The following RASEF variants were observed in gnomAD, a reference collection of about 807,000 sequenced individuals.
RASEF encodes RAS and EF-hand domain containing.
In RASEF, 68 loss-of-function variants were observed where a neutral mutation model predicts 90.1. The observed-to-expected ratio is 0.75, with a 90% CI of 0.62 to 0.92. The LOEUF (loss-of-function observed/expected upper bound fraction) is 0.92, where lower values mean the gene tolerates loss of function less well. Ranked by LOEUF, RASEF falls within the 40% of genes least tolerant of loss-of-function variation. RASEF has a pLI of 0.00. For synonymous variants in RASEF, 331 were observed against 345.2 expected, an observed-to-expected ratio of 0.96 and a Z score of 0.46; for missense variants, 949 against 937.2, an observed-to-expected ratio of 1.01 and a Z score of -0.16.
intron 5 of RASEF, 73 bp from the exon 6 acceptor site, chr9:83,009,829 C>A: frequency 1.2e-6 from 1 of 851,458 alleles, no homozygotes; most frequent in South Asian, 1.4e-5. Flanking sequence ...GTAAAGTGTC[C>A]TGTCACCCTC....
the RASEF span, among the ~76,000 whole-genome samples, chr9:83,161,039 G>T: frequency 6.6e-6 from 1 of 152,164 alleles, no homozygotes; most frequent in Non-Finnish European, 1.5e-5. Context: ...TTGCTGTAGC[G>T]GTGGGGCCCT....
chr9:83,016,047 A>T, intron 3 of RASEF, 147 bp from the exon 4 acceptor site: 3 of 629,008 alleles, frequency 4.8e-6, no homozygotes, highest in Non-Finnish European at 8.3e-6. Flanking sequence ...TCAGAAGGAA[A>T]CCAATTGACT....
Position 83,035,540 on chromosome 9 carries a change from G to A in RASEF, c.432-9619C>T, listed in dbSNP as rs1251809235. Among the ~76,000 whole-genome samples the A allele has an allele frequency of 4.6e-5, 7 of 152,124 alleles. No homozygotes were observed. In the South Asian group the frequency reaches 1.2e-3, roughly 27 times the overall value. On this transcript the variant is annotated intron_variant, in intron 1 of 16. Coordinates refer to ENST00000376447, the MANE Select transcript of RASEF (RefSeq NM_152573.4). ...ATTCTGTTGACATTACAGTATGTAT[G>A]TGCTATACGTGTGTACATGTATATG...
At chr9:83,164,345 G>GTA in the RASEF span, among the ~76,000 whole-genome samples, 4 of 79,676 alleles carry the variant, frequency 5.0e-5, no homozygotes, top group South Asian at 4.3e-4. Flanking sequence ...TTGTATATGT[G>GTA]TGTATATATA....
intron 9 of RASEF, among the ~76,000 whole-genome samples, chr9:83,003,938 A>G (rs1473414951): frequency 1.3e-5 from 2 of 152,208 alleles, no homozygotes; most frequent in Admixed American, 1.3e-4. Context: ...CTAGGTCTCA[A>G]GTAATAAAAG....
chr9:83,213,163 G>A, the RASEF span, among the ~76,000 whole-genome samples: 1 of 151,296 alleles, frequency 6.6e-6, no homozygotes, highest in African/African-American at 2.4e-5. Context: ...ACTTTGGGAG[G>A]CCAAGGCAGG....
chr9:83,161,318 C>T, the RASEF span, among the ~76,000 whole-genome samples: 99 of 152,320 alleles, frequency 6.5e-4, no homozygotes, highest in Non-Finnish European at 2.9e-5. Context: ...GGGAACCCAC[C>T]TCTCGGATCA....
At chr9:83,206,885 G>A in the RASEF span, among the ~76,000 whole-genome samples, 4 of 152,010 alleles carry the variant, frequency 2.6e-5, no homozygotes, top group Admixed American at 1.3e-4. Context: ...GGGGATGGGC[G>A]CTCCCCTCAC....
intron 1 of RASEF, chr9:83,054,665 T>A (rs1830070598): frequency 6.8e-6 from 1 of 146,022 alleles, no homozygotes; most frequent in African/African-American, 2.6e-5. Context: ...TTTTTCCCCA[T>A]CTTTGTGGTT....
chr9:83,114,363 G>A, the RASEF span, among the ~76,000 whole-genome samples: 1 of 152,202 alleles, frequency 6.6e-6, no homozygotes, highest in East Asian at 1.9e-4. Context: ...GTCACCTCAG[G>A]ACCCTGTGAT....
chr9:83,180,090 T>C, the RASEF span, among the ~76,000 whole-genome samples: 20 of 152,326 alleles, frequency 1.3e-4, no homozygotes, highest in Middle Eastern at 3.4e-3. Context: ...TGCCTGTTTA[T>C]ATAACTTAAA....
At chr9:83,177,915 A>T in the RASEF span, among the ~76,000 whole-genome samples, 1 of 151,906 alleles carries the variant, frequency 6.6e-6, no homozygotes, top group African/African-American at 2.4e-5. Context: ...TGGCATGCTT[A>T]CCGATTTTCT....
chr9:83,175,411 A>G, the RASEF span, among the ~76,000 whole-genome samples: 1 of 152,146 alleles, frequency 6.6e-6, no homozygotes, highest in East Asian at 1.9e-4. Flanking sequence ...GACTTTAACT[A>G]ATTTTTTTTC....
chr9:83,001,904 T>C (rs1482037259), intron 9 of RASEF, among the ~76,000 whole-genome samples: 1 of 152,174 alleles, frequency 6.6e-6, no homozygotes, highest in Non-Finnish European at 1.5e-5. Flanking sequence ...AGACGTTTCA[T>C]AGGGAGGGAG....
the RASEF span, among the ~76,000 whole-genome samples, chr9:83,156,322 A>G: frequency 2.0e-5 from 3 of 152,146 alleles, no homozygotes; most frequent in African/African-American, 4.8e-5. Flanking sequence ...CAAGCACTCA[A>G]TGAATATTCT....
the RASEF span, among the ~76,000 whole-genome samples, chr9:83,164,554 G>T: frequency 2.0e-5 from 3 of 147,700 alleles, no homozygotes; most frequent in South Asian, 6.4e-4. Flanking sequence ...AAAAGTTAAA[G>T]AAATGAAGCA....
chr9:83,104,184 C>T, the RASEF span, among the ~76,000 whole-genome samples: 1 of 151,966 alleles, frequency 6.6e-6, no homozygotes, highest in Non-Finnish European at 1.5e-5. Context: ...ATGAATTTTT[C>T]TTTAGATATA....
the RASEF span, among the ~76,000 whole-genome samples, chr9:83,143,894 G>T: frequency 4.6e-5 from 7 of 152,100 alleles, no homozygotes; most frequent in Non-Finnish European, 1.0e-4. Context: ...CAAAGACATA[G>T]AATTGACCCA....
chr9:83,049,319 C>T lies in RASEF; in HGVS notation c.431+13118G>A, dbSNP rs1046462692. 3.0e-5 allele frequency: 30 copies of T among 985,156 alleles called. 1 individual carries two copies. The highest frequency in any genetic ancestry group is 6.2e-5 in the Admixed American group (1 of 16,248). The allele number at this position is 985,156 out of a possible 1,614,324, so 61.0% of individuals were successfully genotyped here. A position where few individuals can be genotyped will look rare whatever the true frequency, so the allele number is the denominator to read the frequency against. ...AATTAGCAATAGTCAGCTAACCTGA[C>T]GGGGATGCAGTTTTCCAAGCTACAT... On this transcript the variant is annotated intron_variant, in intron 1 of 16. Transcript: ENST00000376447.
Sources: allele counts gnomAD v4.1 joint callset (sites outside exome capture counted in the v4.1 genomes callset), GRCh38; gene constraint gnomAD v4.1.1; transcripts MANE v1.5; gene names NCBI Gene and HGNC (gene_info 2026-07-23, HGNC 2026-07-21).